Variants in AUTS2 observed in about 807,000 individuals in gnomAD.
AUTS2 encodes activator of transcription and developmental regulator AUTS2, also known as autism susceptibility gene 2 protein.
Under a neutral mutation model 112.4 loss-of-function variants are expected in AUTS2, and 17 were observed. The observed-to-expected ratio is 0.15, with a 90% CI of 0.10 to 0.23. AUTS2 has a LOEUF of 0.23. Ranked by LOEUF, AUTS2 falls within the 10% of genes least tolerant of loss-of-function variation. The pLI, the probability that AUTS2 is intolerant of heterozygous loss-of-function variation, is 1.00. For synonymous variants in AUTS2, 751 were observed against 702.7 expected (o/e 1.07, Z -1.09); for missense variants, 1,510 against 1,701.6 (o/e 0.89, Z 1.98).
At chr7:70,736,809 A>C (rs1178268960) in intron 6 of AUTS2, among the ~76,000 whole-genome samples, 1 of 152,204 alleles carries the variant, frequency 6.6e-6, no homozygotes, top group Non-Finnish European at 1.5e-5. Flanking sequence ...TGTTGCCACA[A>C]AGTGCATCTC....
intron 1 of AUTS2, among the ~76,000 whole-genome samples, chr7:69,621,121 G>T (rs1488475694): frequency 6.6e-6 from 1 of 152,132 alleles, no homozygotes; most frequent in Non-Finnish European, 1.5e-5. Context: ...TATTCTAATT[G>T]CTTAAATCAA....
At chr7:70,567,742 C>G (rs1436296269) in intron 5 of AUTS2, among the ~76,000 whole-genome samples, 1 of 152,154 alleles carries the variant, frequency 6.6e-6, no homozygotes, top group Non-Finnish European at 1.5e-5. Context: ...AACTCATTTT[C>G]GTTCAAAGCA....
chr7:70,783,045 G>A (rs972365444), intron 15 of AUTS2: 2 of 152,124 alleles, frequency 1.3e-5, no homozygotes, highest in Admixed American at 6.5e-5. Context: ...TTTCTCTCTG[G>A]CTTCCATTTG....
At chr7:69,762,327 G>C (rs1202079800) in intron 1 of AUTS2, among the ~76,000 whole-genome samples, 1 of 91,852 alleles carries the variant, frequency 1.1e-5, no homozygotes, top group African/African-American at 4.5e-5. Flanking sequence ...TTTTTTTTGA[G>C]ATGGGGTATC....
chr7:69,788,770 TAA>T (rs201528680), intron 1 of AUTS2, among the ~76,000 whole-genome samples: 5 of 139,590 alleles, frequency 3.6e-5, no homozygotes, highest in African/African-American at 5.2e-5. Flanking sequence ...GAAGCAAAAT[TAA>T]AAAAAAAAAA....
chr7:70,082,789 C>T (rs917479189), intron 2 of AUTS2, among the ~76,000 whole-genome samples: 2 of 152,102 alleles, frequency 1.3e-5, no homozygotes, highest in African/African-American at 2.4e-5. Context: ...CCTATTCAGC[C>T]GTTAACTGTT....
At chr7:70,002,031 A>T (rs1489739518) in intron 2 of AUTS2, among the ~76,000 whole-genome samples, 1 of 152,168 alleles carries the variant, frequency 6.6e-6, no homozygotes. Flanking sequence ...TCTTTGAGTT[A>T]AATGCATTTT....
intron 1 of AUTS2, among the ~76,000 whole-genome samples, chr7:69,834,490 A>G (rs898573486): frequency 1.3e-5 from 2 of 152,190 alleles, no homozygotes; most frequent in Non-Finnish European, 2.9e-5. Context: ...AACAGAATTA[A>G]TGTTGTTCAA....
chr7:70,512,248 G>A (rs1023530231), intron 5 of AUTS2, among the ~76,000 whole-genome samples: 1 of 152,206 alleles, frequency 6.6e-6, no homozygotes, highest in Non-Finnish European at 1.5e-5. Context: ...ACATATCCAT[G>A]TGATATTAGC....
intron 2 of AUTS2, among the ~76,000 whole-genome samples, chr7:69,945,007 G>A (rs745690897): frequency 5.9e-5 from 9 of 152,164 alleles, no homozygotes; most frequent in Non-Finnish European, 8.8e-5. Context: ...GCTTTTTACT[G>A]AATCTCTGCT....
intron 1 of AUTS2, among the ~76,000 whole-genome samples, chr7:69,895,101 A>G (rs1794689574): frequency 6.6e-6 from 1 of 152,156 alleles, no homozygotes; most frequent in African/African-American, 2.4e-5. Flanking sequence ...GTGGTGGAGG[A>G]AAGCATTGGT....
At chr7:70,491,827 C>G (rs1798258718) in intron 5 of AUTS2, among the ~76,000 whole-genome samples, 2 of 152,178 alleles carry the variant, frequency 1.3e-5, no homozygotes, top group South Asian at 2.1e-4. Flanking sequence ...GTTGGCCAGA[C>G]TGGTCCCTAC....
At chr7:70,604,326 C>T (rs1285770910) in intron 5 of AUTS2, among the ~76,000 whole-genome samples, 1 of 152,198 alleles carries the variant, frequency 6.6e-6, no homozygotes, top group Non-Finnish European at 1.5e-5. Flanking sequence ...CCACAGCATG[C>T]ATGAGCTACT....
chr7:70,094,159 A>G (rs993554784), intron 2 of AUTS2, among the ~76,000 whole-genome samples: 7 of 152,220 alleles, frequency 4.6e-5, no homozygotes, highest in African/African-American at 1.7e-4. Flanking sequence ...TGCAGGAAGC[A>G]AAAAGGAAAA....
chr7:70,212,988 A>G lies in AUTS2; in HGVS notation c.660+78417A>G, dbSNP rs146807675. Among the ~76,000 whole-genome samples the G allele has an allele frequency of 4.3e-3, 654 of 152,268 alleles. 4 individuals are homozygous for G. Among genetic ancestry groups the G allele is most frequent in the Non-Finnish European group, 5.0e-3 (341 of 68,018 alleles). On this transcript the variant is annotated intron_variant, in intron 4 of 18. Transcript: ENST00000342771. ...TGGGGTGGGGGAACTATACTTAACAATAGTATGTTGTACATTTCACAGTAG... is the reference window on the plus strand; with the variant it reads ...TGGGGTGGGGGAACTATACTTAACAGTAGTATGTTGTACATTTCACAGTAG...
At chr7:70,151,790 A>C (rs1276283784) in intron 4 of AUTS2, among the ~76,000 whole-genome samples, 1 of 152,148 alleles carries the variant, frequency 6.6e-6, no homozygotes, top group Non-Finnish European at 1.5e-5. Context: ...GATAGGGTCA[A>C]ACTATTTCAA....
chr7:69,669,711 A>C (rs568632728), intron 1 of AUTS2, among the ~76,000 whole-genome samples: 1 of 151,828 alleles, frequency 6.6e-6, no homozygotes, highest in South Asian at 2.1e-4. Flanking sequence ...TTTCCCCTCA[A>C]AGAAAATTGA....
intron 5 of AUTS2, among the ~76,000 whole-genome samples, chr7:70,602,535 C>T (rs746652719): frequency 2.0e-5 from 3 of 152,200 alleles, no homozygotes; most frequent in Non-Finnish European, 4.4e-5. Flanking sequence ...AGCTGTGTTT[C>T]ATTGTAGTAA....
intron 6 of AUTS2, among the ~76,000 whole-genome samples, chr7:70,722,277 A>G (rs1183125601): frequency 6.7e-6 from 1 of 149,078 alleles, no homozygotes; most frequent in Non-Finnish European, 1.5e-5. Context: ...TTAAAAAAAA[A>G]TTCCATTTTC....
Sources: allele counts gnomAD v4.1 joint callset (sites outside exome capture counted in the v4.1 genomes callset), GRCh38; gene constraint gnomAD v4.1.1; transcripts MANE v1.5; gene names NCBI Gene and HGNC (gene_info 2026-07-23, HGNC 2026-07-21).